Variants in SLC9A3 observed in about 807,000 individuals in gnomAD.
SLC9A3 encodes the protein sodium/hydrogen exchanger 3.
SLC9A3 carries 37 observed loss-of-function variants against 86.8 expected under a neutral mutation model. The ratio of observed to expected loss-of-function variants is 0.43; its 90% CI spans 0.33 to 0.56. The LOEUF is 0.56. SLC9A3 is among the 20% of genes least tolerant of loss of function. The pLI, the probability that SLC9A3 is intolerant of heterozygous loss-of-function variation, is 0.06. For synonymous variants in SLC9A3, 581 were observed against 528.3 expected, an observed-to-expected ratio of 1.10 and a Z score of -1.37; for missense variants, 1,011 against 1,171.9, an observed-to-expected ratio of 0.86 and a Z score of 2.00.
At chr5:509,573 G>T (rs1042521755) in intron 1 of SLC9A3, among the ~76,000 whole-genome samples, 2 of 152,114 alleles carry the variant, frequency 1.3e-5, no homozygotes, top group African/African-American at 4.8e-5. Flanking sequence ...GGCCGAACGT[G>T]GAACCCTGGA....
rs1193908845 is a variant in SLC9A3 at position 476,269 on chromosome 5, G to A, written c.2000C>T (p.Thr667Ile). The change falls in exon 13 of 17, where the codon ACC becomes ATC. Residue 667 changes from threonine (T) to isoleucine (I), a missense_variant. This residue lies in a region of SLC9A3 where 397 missense variants were observed against 346.3 expected (regional missense o/e 1.15). Coordinates refer to ENST00000264938, the MANE Select transcript of SLC9A3 (RefSeq NM_004174.4). ...CTTGTTCTGGTTGAGCCCCAGCTTG[G>A]TCGACTTGAAGGACTCCAGGCGCTT... ...MRKRLESFKS[T>I]KLGLNQNKKA... 1 of 1,613,890 alleles carries A rather than the reference G, an allele frequency of 6.2e-7. No individual in the cohort carries two copies. The highest frequency in any genetic ancestry group is 1.3e-5 in the African/African-American group (1 of 74,928).
At chr5:523,531 A>G (rs1014589103) in intron 1 of SLC9A3, among the ~76,000 whole-genome samples, 1 of 150,734 alleles carries the variant, frequency 6.6e-6, no homozygotes, top group African/African-American at 2.5e-5. Flanking sequence ...GCCAGGAGCT[A>G]CCTGCCGTGC....
intron 1 of SLC9A3, among the ~76,000 whole-genome samples, chr5:513,724 G>A (rs1402089147): frequency 1.3e-5 from 2 of 152,174 alleles, no homozygotes; most frequent in African/African-American, 4.8e-5. Context: ...CAGCAGCCCC[G>A]GGCCACCCTC....
chr5:520,667 T>C (rs918304838), intron 1 of SLC9A3, among the ~76,000 whole-genome samples: 4 of 152,158 alleles, frequency 2.6e-5, no homozygotes, highest in African/African-American at 9.7e-5. Context: ...CCAAGGCCTG[T>C]AGCTGAGTTG....
intron 1 of SLC9A3, among the ~76,000 whole-genome samples, chr5:511,078 T>C (rs1001726880): frequency 1.3e-5 from 2 of 152,088 alleles, no homozygotes; most frequent in African/African-American, 4.8e-5. Flanking sequence ...TCCCAAAATA[T>C]CGAACACACA....
chr5:485,304 C>T, intron 3 of SLC9A3, 73 bp from the exon 4 acceptor site: 5 of 1,249,536 alleles, frequency 4.0e-6, no homozygotes, highest in Non-Finnish European at 4.7e-6. Flanking sequence ...CCGGGCCTCG[C>T]TGGACTTGGC....
rs1286244761 is a variant in SLC9A3 at position 472,637 on chromosome 5, C to A, written c.*742G>T. 4.4e-6 allele frequency: 2 copies of A among 456,770 alleles called. No homozygotes were observed. The highest frequency in any genetic ancestry group is 4.3e-6 in the Non-Finnish European group (1 of 230,920). 28.3% of individuals were successfully genotyped at this position (456,770 alleles called of 1,614,324 possible). ...AGGTACTGGCTTTAGGAGTCTAAATCCCCAAACGCTGAGCAGACGGAAGAC... is the reference window on the plus strand; with the variant it reads ...AGGTACTGGCTTTAGGAGTCTAAATACCCAAACGCTGAGCAGACGGAAGAC... On this transcript the variant is annotated 3_prime_UTR_variant, in exon 17 of 17. Transcript: ENST00000264938.
intron 1 of SLC9A3, among the ~76,000 whole-genome samples, chr5:516,088 CCA>C (rs367945995): frequency 7.0e-6 from 1 of 142,122 alleles, no homozygotes; most frequent in Non-Finnish European, 1.5e-5. Flanking sequence ...TAACCCTCAT[CCA>C]CACTTTTTGC....
intron 1 of SLC9A3, among the ~76,000 whole-genome samples, chr5:507,077 A>AAAATAAAT (rs78074475): frequency 0.01 from 1,291 of 126,680 alleles, 8 homozygotes; most frequent in Non-Finnish European, 0.013. Flanking sequence ...ACTGTCTCAA[A>AAAATAAAT]AAATAAATAA....
chr5:520,644 G>T (rs60016610), intron 1 of SLC9A3, among the ~76,000 whole-genome samples: 1 of 152,100 alleles, frequency 6.6e-6, no homozygotes, highest in African/African-American at 2.4e-5. Context: ...CGCTAGGTGG[G>T]GACCAAAGTC....
chr5:486,121 G>T (rs1000531992), intron 3 of SLC9A3, among the ~76,000 whole-genome samples: 1 of 152,210 alleles, frequency 6.6e-6, no homozygotes, highest in African/African-American at 2.4e-5. Flanking sequence ...GAACATGAGA[G>T]GCTGACGGGT....
At chr5:475,307 A>T in intron 15 of SLC9A3, 175 bp from the exon 16 acceptor site, 11 of 655,074 alleles carry the variant, frequency 1.7e-5, no homozygotes, top group Non-Finnish European at 2.6e-5. Flanking sequence ...CCCACACGCC[A>T]CAGGCAGCAC....
At chr5:473,939 G>A (rs147849787) in intron 16 of SLC9A3, among the ~76,000 whole-genome samples, 194 of 152,358 alleles carry the variant, frequency 1.3e-3, no homozygotes, top group African/African-American at 4.6e-3. Flanking sequence ...TGGACTCGCG[G>A]ACTAGCTTTC....
Position 485,182 on chromosome 5 carries a change from A to G in SLC9A3, c.725T>C (p.Val242Ala). 1 of 1,613,892 alleles carries G rather than the reference A, an allele frequency of 6.2e-7. No homozygotes were observed. Among genetic ancestry groups the G allele is most frequent in the Non-Finnish European group, 8.5e-7 (1 of 1,179,990 alleles). ...GCCCTTCACGCAGTCCACGCCAGTCACGTTGTCACCTCCCAGCGCCACGAA... is the reference window on the plus strand; with the variant it reads ...GCCCTTCACGCAGTCCACGCCAGTCGCGTTGTCACCTCCCAGCGCCACGAA... ...ESFVALGGDN[V>A]TGVDCVKGIV... The change falls in exon 4 of 17, where the codon GTG (valine) becomes GCG (alanine). Residue 242 changes from valine (V) to alanine (A), a missense_variant. By Grantham distance (64) the Val-to-Ala change is moderately conservative. This residue lies in a region of SLC9A3 where 565 missense variants were observed against 790.0 expected (regional missense o/e 0.72). Coordinates refer to ENST00000264938, the MANE Select transcript of SLC9A3 (RefSeq NM_004174.4).
At position 472,810 on chromosome 5, in the gene SLC9A3, AGTCAGTCCCCGG is replaced by A. The variant is rs1738442606; in HGVS notation, c.*557_*568del. ...CGGGAGGTCCCTGAGTCGGTCCCCG[AGTCAGTCCCCGG>A]GCGCGGGGCTCGGTTGGGGGGGCCC... On this transcript the variant is annotated 3_prime_UTR_variant, in exon 17 of 17. Transcript: ENST00000264938. 1.8e-6 allele frequency: 1 copy of A among 567,740 alleles called. No individual in the cohort carries two copies. Among genetic ancestry groups the A allele is most frequent in the Non-Finnish European group, 3.3e-6 (1 of 300,106 alleles). The allele number at this position is 567,740 out of a possible 1,614,324, so 35.2% of individuals were successfully genotyped here. A position where few individuals can be genotyped will look rare whatever the true frequency, so the allele number is the denominator to read the frequency against.
chr5:517,407 A>C (rs958992209), intron 1 of SLC9A3, among the ~76,000 whole-genome samples: 2 of 151,278 alleles, frequency 1.3e-5, no homozygotes, highest in Middle Eastern at 3.5e-3. Context: ...CCATTCATTC[A>C]TCCATCCATC....
At chr5:475,209 C>T in intron 15 of SLC9A3, 77 bp from the exon 16 acceptor site, 1 of 1,454,260 alleles carries the variant, frequency 6.9e-7, no homozygotes, top group Non-Finnish European at 9.2e-7. Context: ...GGGCCGTCAC[C>T]TGCTGGGTGC....
chr5:499,561 G>A (rs1471584293), intron 1 of SLC9A3, among the ~76,000 whole-genome samples: 1 of 152,212 alleles, frequency 6.6e-6, no homozygotes, highest in Non-Finnish European at 1.5e-5. Context: ...GGGTTCCAGG[G>A]TCCCTGTGTG....
intron 1 of SLC9A3, among the ~76,000 whole-genome samples, chr5:507,186 T>TTTTTTTTTTTTTTTTTTTTTTTTTTTGG (rs1242074998): frequency 9.4e-6 from 1 of 106,872 alleles, no homozygotes; most frequent in Non-Finnish European, 1.9e-5. Flanking sequence ...TTTTTTTTTT[T>TTTTTTTTTTTTTTTTTTTTTTTTTTTGG]GAGACGGAGT....
Sources: allele counts gnomAD v4.1 joint callset (sites outside exome capture counted in the v4.1 genomes callset), GRCh38; gene constraint gnomAD v4.1.1; regional missense constraint gnomAD v4.1.1; transcripts MANE v1.5; gene names NCBI Gene and HGNC (gene_info 2026-07-23, HGNC 2026-07-21).